Variants in FER1L6 observed in about 807,000 individuals in gnomAD.
FER1L6 encodes fer-1-like protein 6.
In FER1L6, 177 loss-of-function variants were observed where a neutral mutation model predicts 219.2. That is an observed-to-expected ratio of 0.81 (90% CI 0.71 to 0.91). The LOEUF is 0.91. Among genes scored for constraint, FER1L6 ranks in the 40% least tolerant of loss-of-function variants. The probability of loss-of-function intolerance (pLI) is 0.00; values close to 1 mark genes in which losing one functional copy is unlikely to be tolerated. For synonymous variants in FER1L6, 768 were observed against 824.3 expected (o/e 0.93, Z 1.17); for missense variants, 2,153 against 2,259.9 (o/e 0.95, Z 0.96).
chr8:124,112,138 G>A (rs1414841333), intron 39 of FER1L6, among the ~76,000 whole-genome samples: 2 of 152,176 alleles, frequency 1.3e-5, no homozygotes, highest in African/African-American at 4.8e-5. Flanking sequence ...CAACATGCAT[G>A]TCCAGCCTAG....
chr8:124,023,898 AG>A (rs1266169429), intron 18 of FER1L6, among the ~76,000 whole-genome samples: 13 of 106,246 alleles, frequency 1.2e-4, no homozygotes, highest in African/African-American at 2.1e-4. Flanking sequence ...ATGAACCTTA[AG>A]GTTTTTTTTT....
intron 35 of FER1L6, among the ~76,000 whole-genome samples, chr8:124,095,526 C>G (rs1456587096): frequency 6.6e-6 from 1 of 152,170 alleles, no homozygotes; most frequent in African/African-American, 2.4e-5. Context: ...CCTTAAAGAA[C>G]TGGCAAGAAG....
In FER1L6 at chr8:124,111,626, G is replaced by A. The variant is rs535400922; in HGVS notation, c.5290-7218G>A. On this transcript the variant is annotated intron_variant, in intron 39 of 40. Coordinates refer to ENST00000522917, the MANE Select transcript of FER1L6 (RefSeq NM_001039112.2). The surrounding 1 kb of genome is among the most constrained non-coding windows in gnomAD (Gnocchi z 5.0). ...TTTCTTGATGATATGCTAAACAGGG[G>A]TGGATTCATGCCTTCTCTTTTTAGA... Among the ~76,000 whole-genome samples the A allele has an allele frequency of 1.3e-5, 2 of 152,316 alleles. No homozygotes were observed. Among genetic ancestry groups the A allele is most frequent in the African/African-American group, 4.8e-5 (2 of 41,562 alleles).
chr8:123,986,431 T>C (rs753347484), intron 12 of FER1L6, among the ~76,000 whole-genome samples: 3 of 152,172 alleles, frequency 2.0e-5, no homozygotes, highest in Non-Finnish European at 2.9e-5. Context: ...GATTTTGATA[T>C]AGGTATACAA....
At chr8:124,015,418 A>G (rs1040630720) in intron 15 of FER1L6, among the ~76,000 whole-genome samples, 1 of 151,620 alleles carries the variant, frequency 6.6e-6, no homozygotes, top group East Asian at 1.9e-4. Context: ...AAGGAGTGGA[A>G]ATTCATCTGA....
intron 29 of FER1L6, among the ~76,000 whole-genome samples, chr8:124,070,227 T>G (rs1484513792): frequency 6.6e-6 from 1 of 152,204 alleles, no homozygotes; most frequent in Non-Finnish European, 1.5e-5. Flanking sequence ...ATATTACAAT[T>G]TTTTAAATTT....
At chr8:123,917,432 T>C (rs897300839) in intron 1 of FER1L6, among the ~76,000 whole-genome samples, 7 of 152,216 alleles carry the variant, frequency 4.6e-5, no homozygotes, top group Non-Finnish European at 1.0e-4. Flanking sequence ...TAACATTCAG[T>C]AAGGACCTTC....
intron 11 of FER1L6, among the ~76,000 whole-genome samples, chr8:123,982,456 G>GT (rs1816367193): frequency 6.6e-6 from 1 of 152,180 alleles, no homozygotes; most frequent in Admixed American, 6.5e-5. Context: ...GTTGGAGGGT[G>GT]TATCTTGGCT....
chr8:124,008,462 C>T (rs113640841), intron 13 of FER1L6, among the ~76,000 whole-genome samples: 5,545 of 152,152 alleles, frequency 0.036, 224 homozygotes, highest in East Asian at 0.11. Context: ...GGTAGATATC[C>T]AATAGTGGAA....
At chr8:123,901,887 T>G (rs955284909) in intron 1 of FER1L6, among the ~76,000 whole-genome samples, 2 of 151,876 alleles carry the variant, frequency 1.3e-5, no homozygotes, top group East Asian at 3.9e-4. Flanking sequence ...CCTGGCCAAT[T>G]TTTTTGCATT....
intron 12 of FER1L6, among the ~76,000 whole-genome samples, chr8:123,991,120 G>A (rs558439757): frequency 1.2e-4 from 18 of 152,248 alleles, no homozygotes; most frequent in Admixed American, 2.6e-4. Flanking sequence ...TATCCTTGCA[G>A]TATAACTTGA....
At chr8:124,053,133 T>C (rs1034303700) in intron 22 of FER1L6, among the ~76,000 whole-genome samples, 2 of 152,204 alleles carry the variant, frequency 1.3e-5, no homozygotes, top group African/African-American at 2.4e-5. Context: ...TCCTAATAAG[T>C]GCTCTGGGTC....
At chr8:123,889,958 A>T (rs915445978) in intron 1 of FER1L6, among the ~76,000 whole-genome samples, 2 of 152,168 alleles carry the variant, frequency 1.3e-5, no homozygotes, top group Non-Finnish European at 2.9e-5. Context: ...CAAAGTTACA[A>T]AAGTTTAGAT....
chr8:123,879,098 G>A (rs1031282531), intron 1 of FER1L6, among the ~76,000 whole-genome samples: 1 of 152,256 alleles, frequency 6.6e-6, no homozygotes, highest in South Asian at 2.1e-4. Context: ...CAATAGGCCA[G>A]ACCAGGCTGG....
chr8:124,116,621 C>G (rs1215131459), intron 39 of FER1L6, among the ~76,000 whole-genome samples: 4 of 152,234 alleles, frequency 2.6e-5, no homozygotes, highest in Admixed American at 2.6e-4. Context: ...GGGGCAGCTG[C>G]AATCCTCTTA....
At chr8:124,075,561 T>C (rs1390185200) in intron 31 of FER1L6, among the ~76,000 whole-genome samples, 1 of 152,204 alleles carries the variant, frequency 6.6e-6, no homozygotes, top group African/African-American at 2.4e-5. Flanking sequence ...CTCTAAAGAC[T>C]AAAAAGTATA....
intron 33 of FER1L6, 91 bp from the exon 34 acceptor site, chr8:124,091,332 T>G (rs1235556218): frequency 3.8e-6 from 4 of 1,042,196 alleles, no homozygotes; most frequent in Non-Finnish European, 5.5e-6. Context: ...ATACACAGAA[T>G]AGCAAGTTAA....
chr8:123,975,890 C>T lies in FER1L6; in HGVS notation c.684-8C>T. 6.5e-7 allele frequency: 1 copy of T among 1,544,768 alleles called. No individual in the cohort carries two copies. Among genetic ancestry groups the T allele is most frequent in the Non-Finnish European group, 8.8e-7 (1 of 1,142,372 alleles). The stretch of plus-strand genomic sequence containing the variant: ...GAGCTTTTTCATTTGTTTTTGTCTC[C>T]CTCTAAGGAACCTTTTGATCCCCAA... On this transcript the variant is annotated splice_region_variant and splice_polypyrimidine_tract_variant and intron_variant, in intron 8 of 40. Coordinates refer to ENST00000522917, the MANE Select transcript of FER1L6 (RefSeq NM_001039112.2).
At chr8:124,040,652 TGAG>T (rs1388026689) in intron 20 of FER1L6, 7 of 153,262 alleles carry the variant, frequency 4.6e-5, no homozygotes, top group Non-Finnish European at 1.0e-4. Flanking sequence ...GGTCCAAAGT[TGAG>T]GAGCCGTATC....
Sources: gnomAD v4.1 joint callset for allele counts (sites outside exome capture counted in the v4.1 genomes callset) on GRCh38, gnomAD v4.1.1 for gene constraint, Gnocchi (gnomAD v3.1) non-coding constraint, MANE v1.5 for transcripts, NCBI Gene and HGNC (gene_info 2026-07-23, HGNC 2026-07-21) for gene names.